NKAIN2: variants seen among roughly 807,000 people sequenced by gnomAD.
The protein encoded by NKAIN2 is sodium/potassium transporting ATPase interacting 2.
Under a neutral mutation model 32.6 loss-of-function variants are expected in NKAIN2, and 14 were observed. That is an observed-to-expected ratio of 0.43 (90% confidence interval 0.28 to 0.67). NKAIN2 has a LOEUF of 0.67. NKAIN2 is among the 30% of genes least tolerant of loss of function. The pLI, the probability that NKAIN2 is intolerant of heterozygous loss-of-function variation, is 0.17. For missense variants in NKAIN2, 198 were observed against 258.3 expected, an observed-to-expected ratio of 0.77 and a Z score of 1.60; for synonymous variants, 80 against 87.2, an observed-to-expected ratio of 0.92 and a Z score of 0.46.
At position 123,803,916 on chromosome 6, in the gene NKAIN2, G is replaced by A. The variant is rs1296539437; in HGVS notation, c.-285G>A. On this transcript the variant is annotated 5_prime_UTR_variant, in exon 1 of 7. Transcript: ENST00000368417. The stretch of plus-strand genomic sequence containing the variant: ...CCAGGCTGCCGCTGCTGCCCCTGCG[G>A]GCCCCGAGCGCGCCTCCGCAGGCGG... 6.7e-6 allele frequency among the ~76,000 whole-genome samples: 1 copy of A among 148,516 alleles called. No individual in the cohort carries two copies. Among genetic ancestry groups the A allele is most frequent in the Non-Finnish European group, 1.5e-5 (1 of 66,688 alleles).
chr6:124,229,320 A>C lies in NKAIN2; in HGVS notation c.55-53685A>C, dbSNP rs2208784. Among the ~76,000 whole-genome samples the C allele has an allele frequency of 4.9e-3, 751 of 152,118 alleles. 44 individuals are homozygous for C. The East Asian group carries it at 0.12, about 24-fold the overall frequency. ...GTAGTTTCAAACAAATTAAAGATTCACTTGACCTAGCCATGAAGATATATG... is the reference window on the plus strand; with the variant it reads ...GTAGTTTCAAACAAATTAAAGATTCCCTTGACCTAGCCATGAAGATATATG... On this transcript the variant is annotated intron_variant, in intron 1 of 6. Transcript: ENST00000368417.
At chr6:124,183,173 G>A (rs1362624198) in intron 1 of NKAIN2, among the ~76,000 whole-genome samples, 1 of 151,858 alleles carries the variant, frequency 6.6e-6, no homozygotes, top group African/African-American at 2.4e-5. Flanking sequence ...CATTTTTGCA[G>A]GTCTCAACAT....
rs148941217 is a variant in NKAIN2 at position 124,212,481 on chromosome 6, A to G, written c.55-70524A>G. Among the ~76,000 whole-genome samples, 8 of 152,156 alleles carry G rather than the reference A, an allele frequency of 5.3e-5. No individual in the cohort carries two copies. In the East Asian group the frequency reaches 1.4e-3, roughly 26 times the overall value. On this transcript the variant is annotated intron_variant, in intron 1 of 6. Transcript: ENST00000368417. ...GAGTTTACAGTATTCTCACCTAGGA[A>G]TTGGTCCAATGGCAGCTACTAGGAG...
chr6:124,063,380 A>C (rs1232660697), intron 1 of NKAIN2, among the ~76,000 whole-genome samples: 1 of 152,088 alleles, frequency 6.6e-6, no homozygotes, highest in Non-Finnish European at 1.5e-5. Context: ...CATTTTGTGA[A>C]GTTAACAGGG....
chr6:123,943,864 G>T (rs774027927), intron 1 of NKAIN2, among the ~76,000 whole-genome samples: 33 of 152,014 alleles, frequency 2.2e-4, no homozygotes, highest in Non-Finnish European at 4.4e-4. Context: ...TTGCCAAATG[G>T]TTAGTGATAT....
intron 4 of NKAIN2, among the ~76,000 whole-genome samples, chr6:124,687,737 G>GATAT (rs1196602471): frequency 0.028 from 1,263 of 44,650 alleles, 37 homozygotes; most frequent in Non-Finnish European, 0.042. Flanking sequence ...AAATATATAT[G>GATAT]ATATATACAC....
intron 2 of NKAIN2, among the ~76,000 whole-genome samples, chr6:124,340,824 C>T (rs977213631): frequency 1.3e-5 from 2 of 152,072 alleles, no homozygotes; most frequent in African/African-American, 4.8e-5. Flanking sequence ...ATGCTCCCAG[C>T]CTTAGGACTA....
At chr6:124,611,709 G>T (rs747764431) in intron 3 of NKAIN2, among the ~76,000 whole-genome samples, 110 of 152,260 alleles carry the variant, frequency 7.2e-4, no homozygotes, top group Non-Finnish European at 7.8e-4. Flanking sequence ...TTGTTACTGT[G>T]TGTGTGTGTT....
intron 1 of NKAIN2, among the ~76,000 whole-genome samples, chr6:124,106,877 C>T (rs183612206): frequency 2.6e-5 from 4 of 152,224 alleles, no homozygotes; most frequent in Non-Finnish European, 4.4e-5. Context: ...TAGATTTTTA[C>T]ATTAAAATGT....
chr6:124,080,348 C>A (rs1198046280), intron 1 of NKAIN2, among the ~76,000 whole-genome samples: 1 of 152,144 alleles, frequency 6.6e-6, no homozygotes, highest in Non-Finnish European at 1.5e-5. Context: ...CTTGCAGTTT[C>A]TTCTGGATCT....
intron 3 of NKAIN2, among the ~76,000 whole-genome samples, chr6:124,406,123 G>C (rs1283303722): frequency 6.6e-6 from 1 of 151,728 alleles, no homozygotes; most frequent in Non-Finnish European, 1.5e-5. Flanking sequence ...AATTTGGTAA[G>C]TTTTGACATA....
At chr6:124,362,561 G>A (rs1799333563) in intron 3 of NKAIN2, among the ~76,000 whole-genome samples, 1 of 151,996 alleles carries the variant, frequency 6.6e-6, no homozygotes, top group Non-Finnish European at 1.5e-5. Context: ...TCTTGAAAAT[G>A]CCATTTGCTG....
intron 3 of NKAIN2, among the ~76,000 whole-genome samples, chr6:124,383,264 CCA>C (rs1484489927): frequency 6.6e-6 from 1 of 152,104 alleles, no homozygotes; most frequent in African/African-American, 2.4e-5. Context: ...CTTGGCTGAC[CCA>C]CAGATAAACT....
At chr6:124,533,892 C>T (rs114071024) in intron 3 of NKAIN2, among the ~76,000 whole-genome samples, 28 of 152,262 alleles carry the variant, frequency 1.8e-4, no homozygotes, top group African/African-American at 6.3e-4. Flanking sequence ...TGTGTCCTCA[C>T]ACGTATGAAG....
chr6:124,480,004 C>T (rs1777380349), intron 3 of NKAIN2, among the ~76,000 whole-genome samples: 1 of 152,130 alleles, frequency 6.6e-6, no homozygotes, highest in Non-Finnish European at 1.5e-5. Flanking sequence ...TGCCAAGACA[C>T]TAATGCATTC....
intron 5 of NKAIN2, among the ~76,000 whole-genome samples, chr6:124,816,358 T>C (rs2114873475): frequency 6.6e-6 from 1 of 152,292 alleles, no homozygotes; most frequent in Middle Eastern, 3.4e-3. Flanking sequence ...GGTAGATACA[T>C]GTCACGCATT....
intron 1 of NKAIN2, among the ~76,000 whole-genome samples, chr6:124,281,363 A>T (rs1795288708): frequency 6.6e-6 from 1 of 152,224 alleles, no homozygotes; most frequent in South Asian, 2.1e-4. Flanking sequence ...CATATGTAAT[A>T]CTGCCTAATG....
chr6:123,870,100 T>G (rs181675105), intron 1 of NKAIN2, among the ~76,000 whole-genome samples: 1 of 152,344 alleles, frequency 6.6e-6, no homozygotes, highest in African/African-American at 2.4e-5. Flanking sequence ...TTTTACTCTG[T>G]GTGCCAGATG....
chr6:124,810,210 A>G (rs533577971), intron 5 of NKAIN2, among the ~76,000 whole-genome samples: 5 of 152,164 alleles, frequency 3.3e-5, no homozygotes, highest in South Asian at 2.1e-4. Flanking sequence ...ACTATTCACA[A>G]TAGCAAAGAC....
Sources: allele counts gnomAD v4.1 joint callset (sites outside exome capture counted in the v4.1 genomes callset), GRCh38; gene constraint gnomAD v4.1.1; transcripts MANE v1.5; gene names NCBI Gene and HGNC (gene_info 2026-07-23, HGNC 2026-07-21).